The following TICRR variants were observed in gnomAD, a reference collection of about 807,000 sequenced individuals.
The protein encoded by TICRR is TOPBP1 interacting checkpoint and replication regulator.
In TICRR, 132 loss-of-function variants were observed where a neutral mutation model predicts 178.1. That is an observed-to-expected ratio of 0.74 (90% CI 0.64 to 0.86). The LOEUF (loss-of-function observed/expected upper bound fraction) is 0.86, where lower values mean the gene tolerates loss of function less well. TICRR is among the 40% of genes least tolerant of loss of function. The pLI, the probability that TICRR is intolerant of heterozygous loss-of-function variation, is 0.00. For synonymous variants in TICRR, 991 were observed against 900.7 expected, an observed-to-expected ratio of 1.10 and a Z score of -1.79; for missense variants, 2,587 against 2,334.3, an observed-to-expected ratio of 1.11 and a Z score of -2.23.
At chr15:89,597,778 A>G (rs1439194967) in intron 7 of TICRR, among the ~76,000 whole-genome samples, 1 of 152,186 alleles carries the variant, frequency 6.6e-6, no homozygotes, top group Non-Finnish European at 1.5e-5. Flanking sequence ...TGCAGAAAAT[A>G]ACTTATTTGA....
intron 16 of TICRR, among the ~76,000 whole-genome samples, chr15:89,617,410 C>A (rs1477549572): frequency 6.6e-6 from 1 of 152,160 alleles, no homozygotes; most frequent in African/African-American, 2.4e-5. Context: ...CTGCTCATTA[C>A]TGTGATAGTC....
chr15:89,585,893 T>C lies in TICRR; in HGVS notation c.1362T>C (p.Asp454=). ...CTTCCCTTTTCTCAGATGTTGTGGATAGTATATTGAATCAGACTCATGATT... is the reference window on the plus strand; with the variant it reads ...CTTCCCTTTTCTCAGATGTTGTGGACAGTATATTGAATCAGACTCATGATT... ...DTASLFSDVV[D]SILNQTHDSL... The change falls in exon 4 of 22, where the codon GAT becomes GAC. Residue 454 remains aspartate (D), a synonymous_variant. Transcript: ENST00000268138. 6.2e-7 allele frequency: 1 copy of C among 1,614,196 alleles called. No individual in the cohort carries two copies. The highest frequency in any genetic ancestry group is 8.5e-7 in the Non-Finnish European group (1 of 1,180,036).
intron 3 of TICRR, among the ~76,000 whole-genome samples, chr15:89,585,061 C>T (rs1053231069): frequency 1.2e-4 from 18 of 152,290 alleles, no homozygotes; most frequent in African/African-American, 4.3e-4. Context: ...TTTTAAACTA[C>T]CAGCAAATTC....
chr15:89,606,425 T>C (rs919283748), intron 13 of TICRR, among the ~76,000 whole-genome samples: 6 of 152,200 alleles, frequency 3.9e-5, no homozygotes, highest in African/African-American at 1.4e-4. Context: ...TTGGCACTCA[T>C]GAAGTTTTGG....
Position 89,602,788 on chromosome 15 carries a change from T to C in TICRR, c.2568-8T>C. The C allele has an allele frequency of 7.0e-7, 1 of 1,430,924 alleles. No homozygotes were observed. Among genetic ancestry groups the C allele is most frequent in the Non-Finnish European group, 9.2e-7 (1 of 1,081,762 alleles). 88.6% of individuals were successfully genotyped at this position (1,430,924 alleles called of 1,614,324 possible). ...CTAGTATGTATTAACTATTTCTATT[T>C]TTAAAAGGAAAAATGCATTAATAAG... On this transcript the variant is annotated splice_polypyrimidine_tract_variant and splice_region_variant and intron_variant, in intron 12 of 21. Transcript: ENST00000268138.
In TICRR at chr15:89,594,529, T is replaced by C; in HGVS notation, c.1656T>C (p.Ala552=). The change falls in exon 6 of 22, where the codon GCT becomes GCC. Residue 552 remains alanine, a synonymous_variant. Coordinates refer to ENST00000268138, the MANE Select transcript of TICRR (RefSeq NM_152259.4). The part of the protein sequence containing the change: ...QRKSREESTI[A]HQEDSKKKRG... ...AATCTCGTGAAGAATCCACTATAGCTCATCAAGAAGACAGCAAAAAGAAAC... is the reference window on the plus strand; with the variant it reads ...AATCTCGTGAAGAATCCACTATAGCCCATCAAGAAGACAGCAAAAAGAAAC... The C allele has an allele frequency of 6.2e-7, 1 of 1,604,650 alleles. No individual in the cohort carries two copies. Among genetic ancestry groups the C allele is most frequent in the Non-Finnish European group, 8.5e-7 (1 of 1,175,404 alleles).
intron 16 of TICRR, among the ~76,000 whole-genome samples, chr15:89,617,526 TCTCA>T (rs1458393118): frequency 2.6e-5 from 4 of 152,074 alleles, no homozygotes; most frequent in Non-Finnish European, 5.9e-5. Flanking sequence ...ATTCTAACCA[TCTCA>T]CTCTTTTTCT....
At chr15:89,615,319 G>T (rs1345755972) in intron 15 of TICRR, among the ~76,000 whole-genome samples, 1 of 152,200 alleles carries the variant, frequency 6.6e-6, no homozygotes, top group African/African-American at 2.4e-5. Flanking sequence ...AGTTATCTGA[G>T]AATGGAGTTT....
chr15:89,583,033 C>CTT, intron 2 of TICRR, 68 bp downstream of exon 2: 1 of 1,434,622 alleles, frequency 7.0e-7, no homozygotes, highest in Non-Finnish European at 9.3e-7. Context: ...TTCAAAGAAG[C>CTT]TTTTAACTTC....
Position 89,575,825 on chromosome 15 carries a change from T to C in TICRR, c.239T>C (p.Leu80Pro). ...SRSWEDFEEE[L>P]EARLEDRAHL... ...TCGTGGGAGGACTTTGAGGAGGAGC[T>C]GGAGGCCAGGCTCGAGGATCGCGCC... The change falls in exon 1 of 22, where the codon CTG becomes CCG. Residue 80 changes from leucine (L) to proline (P), a missense_variant. By Grantham distance (98) the Leu-to-Pro change is moderately conservative (BLOSUM62 -3). Coordinates refer to ENST00000268138, the MANE Select transcript of TICRR (RefSeq NM_152259.4). 1 of 1,598,488 alleles carries C rather than the reference T, an allele frequency of 6.3e-7. No homozygotes were observed. The highest frequency in any genetic ancestry group is 8.5e-7 in the Non-Finnish European group (1 of 1,174,326).
chr15:89,626,022 C>T lies in TICRR; in HGVS notation c.5563C>T (p.Gln1855Ter). ...TCTGACCCAGTCTCCGCTGCTGTTC[C>T]AGGGGAAAACACCTTCCTCTCAGAG... ...QALTQSPLLF[Q>*]GKTPSSQSKD... is the part of the protein sequence containing the mutation. The change falls in exon 21 of 22, where the codon CAG becomes TAG. Residue 1855 changes from glutamine (Q) to a stop codon, truncating the protein, a stop_gained. Coordinates refer to ENST00000268138, the MANE Select transcript of TICRR (RefSeq NM_152259.4). LOFTEE classifies it low-confidence loss of function (END_TRUNC). 6.2e-7 allele frequency: 1 copy of T among 1,613,826 alleles called. No individual in the cohort carries two copies. The highest frequency in any genetic ancestry group is 2.2e-5 in the East Asian group (1 of 44,872).
Position 89,624,081 on chromosome 15 carries a change from C to T in TICRR, c.3771C>T (p.Phe1257=), listed in dbSNP as rs138024656. The T allele has an allele frequency of 1.6e-3, 2,561 of 1,614,008 alleles. 32 individuals carry two copies. In the African/African-American group the frequency reaches 0.026, roughly 16 times the overall value. Residue 1257 remains phenylalanine (F), a synonymous_variant, in exon 20 of 22, where the codon TTC becomes TTT. Transcript: ENST00000268138. ...PLRTPPRAAA[F]MGTPQNQTHQ... The stretch of plus-strand genomic sequence containing the variant: ...GAACACCTCCGAGAGCAGCAGCCTT[C>T]ATGGGCACGCCTCAGAATCAAACAC...
intron 8 of TICRR, among the ~76,000 whole-genome samples, chr15:89,600,243 T>G (rs747677204): frequency 1.3e-4 from 20 of 152,224 alleles, no homozygotes; most frequent in Non-Finnish European, 2.2e-4. Context: ...CGTGTTGTTG[T>G]TTTATTCATG....
At chr15:89,604,948 G>T (rs1028859515) in intron 13 of TICRR, among the ~76,000 whole-genome samples, 65 of 152,088 alleles carry the variant, frequency 4.3e-4, no homozygotes, top group African/African-American at 1.5e-3. Context: ...TCGGGAAGCA[G>T]TGAACTTACA....
chr15:89,612,714 C>T (rs1963273717), intron 15 of TICRR, among the ~76,000 whole-genome samples: 1 of 152,194 alleles, frequency 6.6e-6, no homozygotes, highest in Non-Finnish European at 1.5e-5. Context: ...GGACTGACCC[C>T]TAGAGCTTTC....
At position 89,624,706 on chromosome 15, in the gene TICRR, C is replaced by G; in HGVS notation, c.4396C>G (p.Leu1466Val). Residue 1466 changes from leucine (L) to valine (V), a missense_variant, in exon 20 of 22, where the codon CTC (leucine) becomes GTC (valine). By Grantham distance (32) the Leu-to-Val change is conservative. Transcript: ENST00000268138. ...LITSDTEHVT[L>V]LSEAEHHGIG... ...TACAAGTGACACAGAGCATGTCACT[C>G]TCCTCAGTGAAGCCGAACACCATGG... 4 of 1,614,200 alleles carry G rather than the reference C, an allele frequency of 2.5e-6. No homozygotes were observed. Among genetic ancestry groups the G allele is most frequent in the Non-Finnish European group, 3.4e-6 (4 of 1,180,050 alleles).
chr15:89,626,592 G>A (rs775985568), intron 21 of TICRR, among the ~76,000 whole-genome samples: 13 of 152,122 alleles, frequency 8.5e-5, no homozygotes, highest in Non-Finnish European at 1.8e-4. Context: ...CAAAGGGGGA[G>A]TGCAGGAGGA....
chr15:89,612,523 A>G (rs943062737), intron 15 of TICRR, among the ~76,000 whole-genome samples: 1 of 152,222 alleles, frequency 6.6e-6, no homozygotes, highest in Non-Finnish European at 1.5e-5. Flanking sequence ...CAATAGCTAC[A>G]GCAGGGATGA....
Position 89,617,689 on chromosome 15 carries a change from C to CT in TICRR, c.2961-442dup, listed in dbSNP as rs35732953. Among the ~76,000 whole-genome samples, 576 of 98,742 alleles carry CT rather than the reference C, an allele frequency of 5.8e-3. 8 individuals carry two copies. Among genetic ancestry groups the CT allele is most frequent in the East Asian group, 0.011 (42 of 3,662 alleles). 64.8% of individuals were successfully genotyped at this position (98,742 alleles called of 152,430 possible). ...GGTGTGTGCCACTGCACCCAGCTAT[C>CT]TTTTTTTTTTTTTTTTTTTTTGAGA... On this transcript the variant is annotated intron_variant, in intron 16 of 21. Coordinates refer to ENST00000268138, the MANE Select transcript of TICRR (RefSeq NM_152259.4).
Sources: allele counts gnomAD v4.1 joint callset (sites outside exome capture counted in the v4.1 genomes callset), GRCh38; gene constraint gnomAD v4.1.1; transcripts MANE v1.5; gene names NCBI Gene and HGNC (gene_info 2026-07-23, HGNC 2026-07-21).